FZD3: variants seen among roughly 807,000 people sequenced by gnomAD.
The protein encoded by FZD3 is frizzled class receptor 3, also known as frizzled-3.
FZD3 carries 30 observed loss-of-function variants against 60.7 expected under a neutral mutation model. The observed-to-expected ratio is 0.49, with a 90% confidence interval of 0.37 to 0.67. FZD3 has a LOEUF of 0.67. FZD3 is among the 30% of genes least tolerant of loss of function. FZD3 has a pLI of 0.00. For missense variants in FZD3, 605 were observed against 838.7 expected, an observed-to-expected ratio of 0.72 and a Z score of 3.44; for synonymous variants, 246 against 275.2, an observed-to-expected ratio of 0.89 and a Z score of 1.05.
intron 2 of FZD3, 92 bp downstream of exon 2, chr8:28,500,070 T>A (rs1349162226): frequency 1.3e-5 from 2 of 152,168 alleles, no homozygotes; most frequent in Non-Finnish European, 2.9e-5. Context: ...AACTGCTGTT[T>A]TGGGGGAAAT....
chr8:28,566,084 A>C lies in FZD3; in HGVS notation c.*3073A>C, dbSNP rs1308649656. On this transcript the variant is annotated 3_prime_UTR_variant, in exon 8 of 8. Transcript: ENST00000240093. ...ACTCAGCTGGCACAGGGATTCATAC[A>C]CAGTTTTTCAATAAATATTTAAATG... 1 of 152,192 alleles carries C rather than the reference A, an allele frequency of 6.6e-6. No homozygotes were observed. Among genetic ancestry groups the C allele is most frequent in the African/African-American group, 2.4e-5 (1 of 41,470 alleles). The allele number at this position is 152,192 out of a possible 1,614,324, so 9.4% of individuals were successfully genotyped here. A position where few individuals can be genotyped will look rare whatever the true frequency, so the allele number is the denominator to read the frequency against.
intron 3 of FZD3, among the ~76,000 whole-genome samples, chr8:28,513,326 C>T (rs1457402098): frequency 2.6e-5 from 4 of 152,036 alleles, no homozygotes; most frequent in Admixed American, 2.6e-4. Flanking sequence ...AGTTTACTTC[C>T]TATAGGAAAG....
rs919380364 is a variant in FZD3, at chr8:28,565,869, ATGTTTAG to A, written c.*2864_*2870del. 4.6e-5 allele frequency: 7 copies of A among 152,154 alleles called. No individual in the cohort carries two copies. Among genetic ancestry groups the A allele is most frequent in the Non-Finnish European group, 1.0e-4 (7 of 67,996 alleles). 9.4% of individuals were successfully genotyped at this position (152,154 alleles called of 1,614,324 possible). ...GTTTAACTTTGATTGGCATATGATAATGTTTAGTGTTTTCTTTTTTCAGTTGACAACT... is the reference window on the plus strand; with the variant it reads ...GTTTAACTTTGATTGGCATATGATAATGTTTTCTTTTTTCAGTTGACAACT... On this transcript the variant is annotated 3_prime_UTR_variant, in exon 8 of 8. Coordinates refer to ENST00000240093, the MANE Select transcript of FZD3 (RefSeq NM_017412.4).
At chr8:28,496,770 G>A (rs149783350) in intron 1 of FZD3, among the ~76,000 whole-genome samples, 1 of 152,304 alleles carries the variant, frequency 6.6e-6, no homozygotes, top group African/African-American at 2.4e-5. Flanking sequence ...TATTCAAGGA[G>A]TGTATTGCAC....
intron 7 of FZD3, among the ~76,000 whole-genome samples, chr8:28,557,595 T>A (rs1805535383): frequency 6.6e-6 from 1 of 152,224 alleles, no homozygotes; most frequent in Non-Finnish European, 1.5e-5. Context: ...CTTTATCCAT[T>A]TCCTTTTTCT....
chr8:28,498,662 C>T (rs532702582), intron 1 of FZD3, among the ~76,000 whole-genome samples: 1 of 152,350 alleles, frequency 6.6e-6, no homozygotes, highest in South Asian at 2.1e-4. Flanking sequence ...ACCGCAACCT[C>T]CACCTCTCAT....
At chr8:28,511,879 A>G (rs899837866) in intron 3 of FZD3, among the ~76,000 whole-genome samples, 1 of 152,318 alleles carries the variant, frequency 6.6e-6, no homozygotes, top group South Asian at 2.1e-4. Flanking sequence ...TATGCCCAGT[A>G]CCCGACACAG....
intron 5 of FZD3, among the ~76,000 whole-genome samples, chr8:28,544,582 C>T (rs1251753370): frequency 6.6e-6 from 1 of 152,082 alleles, no homozygotes; most frequent in Non-Finnish European, 1.5e-5. Flanking sequence ...TCCATTAATA[C>T]AGTAAAAGTT....
At chr8:28,532,884 A>C (rs1165472633) in intron 5 of FZD3, among the ~76,000 whole-genome samples, 3 of 152,016 alleles carry the variant, frequency 2.0e-5, no homozygotes, top group Admixed American at 2.0e-4. Flanking sequence ...AGAGCTGCCT[A>C]CTCTTGGAAA....
chr8:28,503,767 G>A (rs963766954), intron 3 of FZD3, among the ~76,000 whole-genome samples: 4 of 152,226 alleles, frequency 2.6e-5, no homozygotes, highest in African/African-American at 9.6e-5. Context: ...CAGGCAGTAA[G>A]CAGTGGTGGT....
In FZD3 at chr8:28,568,507, G is replaced by A. The variant is rs900358705; in HGVS notation, c.*5496G>A. The A allele has an allele frequency of 6.6e-6, 1 of 152,024 alleles. No individual in the cohort carries two copies. Among genetic ancestry groups the A allele is most frequent in the South Asian group, 2.1e-4 (1 of 4,818 alleles). 9.4% of individuals were successfully genotyped at this position (152,024 alleles called of 1,614,324 possible). A position where few individuals can be genotyped will look rare whatever the true frequency, so the allele number is the denominator to read the frequency against. Reference sequence around the variant, plus strand: ...TTCTTTAGTCATCAAATTGATATAGGATTACAATTTTCTCTCAGGATCCAA... The same window carrying A: ...TTCTTTAGTCATCAAATTGATATAGAATTACAATTTTCTCTCAGGATCCAA... On this transcript the variant is annotated 3_prime_UTR_variant, in exon 8 of 8. Transcript: ENST00000240093.
Position 28,571,291 on chromosome 8 carries a change from C to T in FZD3, c.*8280C>T, listed in dbSNP as rs1334443860. The T allele has an allele frequency of 6.6e-6, 1 of 152,142 alleles. No homozygotes were observed. Among genetic ancestry groups the T allele is most frequent in the East Asian group, 1.9e-4 (1 of 5,196 alleles). The allele number at this position is 152,142 out of a possible 1,614,324, so 9.4% of individuals were successfully genotyped here. A position where few individuals can be genotyped will look rare whatever the true frequency, so the allele number is the denominator to read the frequency against. On this transcript the variant is annotated 3_prime_UTR_variant, in exon 8 of 8. Transcript: ENST00000240093. ...AACAAATGTCTTCCTTTATCCCTGCCTCAGATAATTTTTCCCTGAACTCAT... is the reference window on the plus strand; with the variant it reads ...AACAAATGTCTTCCTTTATCCCTGCTTCAGATAATTTTTCCCTGAACTCAT...
intron 5 of FZD3, among the ~76,000 whole-genome samples, chr8:28,532,595 CT>C (rs58957281): frequency 0.024 from 3,499 of 144,994 alleles, 115 homozygotes; most frequent in East Asian, 0.078. Context: ...GCTTGGCTAA[CT>C]TTTTTTTTTT....
intron 5 of FZD3, among the ~76,000 whole-genome samples, chr8:28,538,562 A>G (rs1291669794): frequency 1.3e-5 from 2 of 152,198 alleles, no homozygotes; most frequent in South Asian, 4.1e-4. Context: ...TACAGACTTA[A>G]CATCATTTTA....
intron 3 of FZD3, 66 bp downstream of exon 3, chr8:28,503,268 C>A: frequency 2.3e-6 from 2 of 862,214 alleles, no homozygotes; most frequent in Non-Finnish European, 1.8e-6. Flanking sequence ...ATCAGCCAAT[C>A]TAATGAATGT....
At chr8:28,546,961 C>T (rs60938323) in intron 5 of FZD3, among the ~76,000 whole-genome samples, 7,291 of 150,166 alleles carry the variant, frequency 0.049, 529 homozygotes, top group African/African-American at 0.17. Context: ...CAGAGCGAGA[C>T]TCCGTCTCAA....
rs187946043 is a variant in FZD3, at chr8:28,508,041, A to T, written c.189+4839A>T. Among the ~76,000 whole-genome samples the T allele has an allele frequency of 2.0e-5, 3 of 152,214 alleles. No homozygotes were observed. In the East Asian group the frequency reaches 5.8e-4, roughly 29 times the overall value. ...AAAGTAGGTTCTACAGGTACATGCC[A>T]TCATGCCTGGCTAATTTTAAAGAAC... On this transcript the variant is annotated intron_variant, in intron 3 of 7. Transcript: ENST00000240093.
chr8:28,547,549 AC>A (rs914502655), intron 5 of FZD3, among the ~76,000 whole-genome samples: 1 of 152,248 alleles, frequency 6.6e-6, no homozygotes, highest in African/African-American at 2.4e-5. Context: ...AATGCAATAT[AC>A]TGTCAGACTT....
At chr8:28,534,887 C>T (rs1804970020) in intron 5 of FZD3, among the ~76,000 whole-genome samples, 1 of 152,070 alleles carries the variant, frequency 6.6e-6, no homozygotes, top group South Asian at 2.1e-4. Context: ...TTGAGTGTGC[C>T]TTATAGAACA....
Sources: gnomAD v4.1 joint callset for allele counts (sites outside exome capture counted in the v4.1 genomes callset) on GRCh38, gnomAD v4.1.1 for gene constraint, MANE v1.5 for transcripts, NCBI Gene and HGNC (gene_info 2026-07-23, HGNC 2026-07-21) for gene names.